Variants in CDC42SE2 observed in about 807,000 individuals in gnomAD.
The protein encoded by CDC42SE2 is CDC42 small effector 2.
CDC42SE2 carries 3 observed loss-of-function variants against 11.5 expected under a neutral mutation model. That is an observed-to-expected ratio of 0.26 (90% CI 0.12 to 0.67). The LOEUF (loss-of-function observed/expected upper bound fraction) is 0.67, where lower values mean the gene tolerates loss of function less well. CDC42SE2 is among the 30% of genes least tolerant of loss of function. The pLI is 0.80. For synonymous variants in CDC42SE2, 33 were observed against 34.8 expected (o/e 0.95, Z 0.18); for missense variants, 82 against 106.8 (o/e 0.77, Z 1.02).
chr5:131,367,981 C>T (rs566462157), intron 3 of CDC42SE2, among the ~76,000 whole-genome samples: 1 of 152,166 alleles, frequency 6.6e-6, no homozygotes, highest in South Asian at 2.1e-4. Flanking sequence ...TGGACAGGCA[C>T]GGTGGCTCAC....
chr5:131,217,504 A>T, the CDC42SE2 span, among the ~76,000 whole-genome samples: 1 of 152,238 alleles, frequency 6.6e-6, no homozygotes, highest in African/African-American at 2.4e-5. Context: ...CTTTTCAACA[A>T]ACAGTACTGA....
chr5:131,283,912 C>T (rs767960811), intron 1 of CDC42SE2, among the ~76,000 whole-genome samples: 8 of 152,180 alleles, frequency 5.3e-5, no homozygotes, highest in Non-Finnish European at 7.3e-5. Context: ...AATAATGCTG[C>T]TATAAATATG....
chr5:131,315,460 G>A (rs1207096685), intron 1 of CDC42SE2, among the ~76,000 whole-genome samples: 1 of 152,202 alleles, frequency 6.6e-6, no homozygotes, highest in African/African-American at 2.4e-5. Context: ...GTACAGACAA[G>A]TAATTGTGAG....
At chr5:131,286,818 C>T (rs1757351440) in intron 1 of CDC42SE2, among the ~76,000 whole-genome samples, 1 of 151,524 alleles carries the variant, frequency 6.6e-6, no homozygotes, top group Non-Finnish European at 1.5e-5. Context: ...AATACATATA[C>T]TAGATACATG....
At chr5:131,309,350 GTATTT>G (rs921766146) in intron 1 of CDC42SE2, among the ~76,000 whole-genome samples, 1 of 151,970 alleles carries the variant, frequency 6.6e-6, no homozygotes, top group African/African-American at 2.4e-5. Flanking sequence ...CGTTTTGCCA[GTATTT>G]TATTGAGGAT....
chr5:131,313,910 C>T (rs372278173), intron 1 of CDC42SE2, among the ~76,000 whole-genome samples: 6 of 152,102 alleles, frequency 3.9e-5, no homozygotes, highest in Admixed American at 3.3e-4. Context: ...TCACTGCAAC[C>T]TCTGTCTCCT....
rs1017770174 is a variant in CDC42SE2, at chr5:131,359,397, A to G, written c.-97A>G. The G allele has an allele frequency of 2.3e-6, 2 of 858,420 alleles. No individual in the cohort carries two copies. Among genetic ancestry groups the G allele is most frequent in the Non-Finnish European group, 4.1e-6 (2 of 492,744 alleles). The allele number at this position is 858,420 out of a possible 1,614,324, so 53.2% of individuals were successfully genotyped here. On this transcript the variant is annotated 5_prime_UTR_variant, in exon 3 of 5. Transcript: ENST00000505065. ...TGAAATAATAAAATTTCATCTTGGC[A>G]TCACTGGACATCATCGTATTGAGGA...
At chr5:131,278,001 A>C (rs1167350143) in intron 1 of CDC42SE2, among the ~76,000 whole-genome samples, 1 of 151,632 alleles carries the variant, frequency 6.6e-6, no homozygotes, top group Admixed American at 6.6e-5. Context: ...TATTCCCCCC[A>C]CTTTTTTTTT....
chr5:131,277,916 C>T (rs948694881), intron 1 of CDC42SE2, among the ~76,000 whole-genome samples: 4 of 152,002 alleles, frequency 2.6e-5, no homozygotes, highest in Admixed American at 6.6e-5. Context: ...CTACAATGCC[C>T]GAAACAATAC....
chr5:131,345,504 A>G (rs1259527283), intron 2 of CDC42SE2, among the ~76,000 whole-genome samples: 7 of 152,214 alleles, frequency 4.6e-5, no homozygotes, highest in Non-Finnish European at 4.4e-5. Flanking sequence ...CTATGTGAAA[A>G]GACCAAATCT....
At chr5:131,212,110 T>A in the CDC42SE2 span, among the ~76,000 whole-genome samples, 1 of 148,718 alleles carries the variant, frequency 6.7e-6, no homozygotes, top group African/African-American at 2.6e-5. Context: ...TTTCTGTTTT[T>A]TTGTTTTTTT....
intron 1 of CDC42SE2, among the ~76,000 whole-genome samples, chr5:131,308,815 A>C (rs990995004): frequency 2.6e-5 from 4 of 152,088 alleles, no homozygotes; most frequent in African/African-American, 9.7e-5. Flanking sequence ...GACTTTGTTG[A>C]AGTTGCTTAT....
intron 3 of CDC42SE2, among the ~76,000 whole-genome samples, chr5:131,384,238 A>AGAG (rs1478711900): frequency 6.6e-6 from 1 of 152,210 alleles, no homozygotes; most frequent in African/African-American, 2.4e-5. Context: ...AATATAAACG[A>AGAG]GAGGACAGTA....
chr5:131,299,632 A>T (rs904162750), intron 1 of CDC42SE2, among the ~76,000 whole-genome samples: 5 of 152,316 alleles, frequency 3.3e-5, no homozygotes, highest in Non-Finnish European at 7.4e-5. Context: ...GAGCTGCACT[A>T]CATGCAGCTG....
the CDC42SE2 span, among the ~76,000 whole-genome samples, chr5:131,226,773 G>A: frequency 6.6e-6 from 1 of 152,074 alleles, no homozygotes; most frequent in Admixed American, 6.6e-5. Context: ...ATGTTTAGTT[G>A]GAATAGACTT....
chr5:131,324,107 A>G (rs1758249546), intron 2 of CDC42SE2, among the ~76,000 whole-genome samples: 1 of 152,194 alleles, frequency 6.6e-6, no homozygotes. Context: ...AATTATTCTG[A>G]AATTGTTATT....
At chr5:131,216,501 C>CA in the CDC42SE2 span, among the ~76,000 whole-genome samples, 1,400 of 41,648 alleles carry the variant, frequency 0.034, 32 homozygotes, top group East Asian at 0.052. Flanking sequence ...GAACCTGTCT[C>CA]AAAAAAAAAA....
chr5:131,287,108 C>T (rs1476384643), intron 1 of CDC42SE2, among the ~76,000 whole-genome samples: 1 of 152,126 alleles, frequency 6.6e-6, no homozygotes, highest in Non-Finnish European at 1.5e-5. Flanking sequence ...GATTCTCGTG[C>T]CTCAGTCTCC....
chr5:131,376,715 T>A (rs1158320494), intron 3 of CDC42SE2, among the ~76,000 whole-genome samples: 1 of 152,138 alleles, frequency 6.6e-6, no homozygotes, highest in African/African-American at 2.4e-5. Context: ...GTGTACTCAA[T>A]GTAGCTCCCA....
Sources: gnomAD v4.1 joint callset for allele counts (sites outside exome capture counted in the v4.1 genomes callset) on GRCh38, gnomAD v4.1.1 for gene constraint, MANE v1.5 for transcripts, NCBI Gene and HGNC (gene_info 2026-07-23, HGNC 2026-07-21) for gene names.